Variants in NBEA observed in about 807,000 individuals in gnomAD.
The protein encoded by NBEA is neurobeachin.
Under a neutral mutation model 343.4 loss-of-function variants are expected in NBEA, and 44 were observed. The observed-to-expected ratio is 0.13, with a 90% CI of 0.10 to 0.16. The LOEUF (loss-of-function observed/expected upper bound fraction) is 0.16, where lower values mean the gene tolerates loss of function less well. Among genes scored for constraint, NBEA ranks in the 10% least tolerant of loss-of-function variants. The pLI, the probability that NBEA is intolerant of heterozygous loss-of-function variation, is 1.00. For synonymous variants in NBEA, 1,175 were observed against 1,238.7 expected (o/e 0.95, Z 1.08); for missense variants, 2,555 against 3,631.3 (o/e 0.70, Z 7.62).
At position 35,195,931 on chromosome 13, in the gene NBEA, G is replaced by A. The variant is rs1451454253; in HGVS notation, c.4995G>A (p.Gln1665=). 5 of 1,613,406 alleles carry A rather than the reference G, an allele frequency of 3.1e-6. No individual in the cohort carries two copies. The South Asian group carries it at 4.4e-5, about 14-fold the overall frequency. The part of the protein sequence containing the change: ...KETPTPGEDI[Q]VESSIPHTDS... The stretch of plus-strand genomic sequence containing the variant: ...CACCAACTCCTGGTGAAGATATTCA[G>A]GTAGAAAGTTCAATTCCCCATACAG... Residue 1665 remains glutamine (Q), a synonymous_variant, in exon 31 of 59, where the codon CAG becomes CAA. Transcript: ENST00000379939.
chr13:35,672,237 C>T lies in NBEA; in HGVS notation c.*1246C>T, dbSNP rs2085642368. ...TGGTGACTGTATCGTCATAGATGTA[C>T]ATATTGTGTCGGTAGGGCTATGAGG... is the stretch of plus-strand genomic sequence containing the variant. On this transcript the variant is annotated 3_prime_UTR_variant, in exon 59 of 59. Transcript: ENST00000379939. The T allele has an allele frequency of 1.3e-5, 2 of 152,524 alleles. No individual in the cohort carries two copies. The highest frequency in any genetic ancestry group is 6.5e-5 in the Admixed American group (1 of 15,274). The allele number at this position is 152,524 out of a possible 1,614,324, so 9.4% of individuals were successfully genotyped here.
At chr13:35,452,713 A>G (rs182700837) in intron 40 of NBEA, among the ~76,000 whole-genome samples, 2 of 152,272 alleles carry the variant, frequency 1.3e-5, no homozygotes, top group Admixed American at 6.5e-5. Flanking sequence ...CCACTAGCAG[A>G]TATTCTTTCC....
At chr13:35,111,501 T>A (rs2152660093) in intron 13 of NBEA, among the ~76,000 whole-genome samples, 1 of 152,138 alleles carries the variant, frequency 6.6e-6, no homozygotes, top group Non-Finnish European at 1.5e-5. Context: ...CAAGAATAAT[T>A]ACTGATATGA....
chr13:35,078,217 T>A (rs1331059862), intron 10 of NBEA, among the ~76,000 whole-genome samples: 1 of 152,206 alleles, frequency 6.6e-6, no homozygotes, highest in Non-Finnish European at 1.5e-5. Flanking sequence ...ATACCCTGTT[T>A]AACAGATCTT....
At chr13:34,957,254 C>A (rs1483357009) in intron 1 of NBEA, among the ~76,000 whole-genome samples, 1 of 152,026 alleles carries the variant, frequency 6.6e-6, no homozygotes, top group Admixed American at 6.6e-5. Flanking sequence ...CATAGTATTC[C>A]ATTTCCTTCA....
chr13:35,472,187 G>A (rs2075680748), intron 40 of NBEA, among the ~76,000 whole-genome samples: 1 of 152,150 alleles, frequency 6.6e-6, no homozygotes, highest in Non-Finnish European at 1.5e-5. Flanking sequence ...GACCTCCTGG[G>A]TTTTCATACC....
chr13:35,620,147 G>A (rs937310577), intron 48 of NBEA, among the ~76,000 whole-genome samples: 1 of 152,092 alleles, frequency 6.6e-6, no homozygotes, highest in Admixed American at 6.6e-5. Context: ...TGTTTTATGT[G>A]TTTGCAAGGA....
At chr13:35,048,094 C>T (rs1050433956) in intron 4 of NBEA, among the ~76,000 whole-genome samples, 1 of 151,604 alleles carries the variant, frequency 6.6e-6, no homozygotes, top group African/African-American at 2.4e-5. Flanking sequence ...GCATTATGAA[C>T]ATTATCTCTT....
chr13:34,952,089 G>T (rs1208217131), intron 1 of NBEA, among the ~76,000 whole-genome samples: 1 of 152,136 alleles, frequency 6.6e-6, no homozygotes, highest in East Asian at 1.9e-4. Flanking sequence ...ATTAGACAAG[G>T]TTATCTAGGT....
chr13:35,195,398 T>G (rs767585274), intron 30 of NBEA, among the ~76,000 whole-genome samples: 4 of 145,416 alleles, frequency 2.8e-5, no homozygotes, highest in East Asian at 1.9e-4. Flanking sequence ...ATCTTTTTGT[T>G]TTTTTTTTTG....
intron 10 of NBEA, among the ~76,000 whole-genome samples, chr13:35,085,484 G>T (rs867789300): frequency 2.0e-5 from 3 of 151,834 alleles, no homozygotes; most frequent in Admixed American, 6.6e-5. Context: ...GACAAAAACC[G>T]CATGATTATC....
chr13:35,482,755 C>G (rs185603108), intron 41 of NBEA, among the ~76,000 whole-genome samples: 1 of 151,622 alleles, frequency 6.6e-6, no homozygotes, highest in East Asian at 1.9e-4. Flanking sequence ...GTGTACTTTG[C>G]ATACAGTAGT....
At chr13:35,509,199 C>T (rs1372265211) in intron 41 of NBEA, among the ~76,000 whole-genome samples, 1 of 152,190 alleles carries the variant, frequency 6.6e-6, no homozygotes, top group Non-Finnish European at 1.5e-5. Flanking sequence ...AGGGAAAAGC[C>T]AGCTGGTAGC....
intron 35 of NBEA, among the ~76,000 whole-genome samples, chr13:35,293,699 A>G (rs1031929003): frequency 6.6e-6 from 1 of 152,016 alleles, no homozygotes; most frequent in Non-Finnish European, 1.5e-5. Flanking sequence ...TTTGATGAAT[A>G]GCAGATTTAG....
chr13:35,411,479 C>T (rs1403813541), intron 38 of NBEA, among the ~76,000 whole-genome samples: 2 of 149,100 alleles, frequency 1.3e-5, no homozygotes, highest in Non-Finnish European at 3.0e-5. Flanking sequence ...TTTTTTGAGA[C>T]AGAGTTGTAC....
In NBEA at chr13:34,979,664, A is replaced by G. The variant is rs976490142; in HGVS notation, c.294+36550A>G. 4.6e-5 allele frequency among the ~76,000 whole-genome samples: 7 copies of G among 152,288 alleles called. No homozygotes were observed. In the East Asian group the frequency reaches 1.3e-3, roughly 29 times the overall value. ...ATGTATGTTTTTTGGAAATTTTTTA[A>G]AAGTCTGTATATTTTCTTTTTACTT... On this transcript the variant is annotated intron_variant, in intron 1 of 58. Coordinates refer to ENST00000379939, the MANE Select transcript of NBEA (RefSeq NM_001385012.1).
At chr13:35,600,859 G>A (rs1323318493) in intron 47 of NBEA, among the ~76,000 whole-genome samples, 1 of 152,074 alleles carries the variant, frequency 6.6e-6, no homozygotes, top group Non-Finnish European at 1.5e-5. Flanking sequence ...CTCACTGGTA[G>A]CCATGAGGTT....
intron 31 of NBEA, among the ~76,000 whole-genome samples, chr13:35,199,993 G>A (rs2072905102): frequency 6.6e-6 from 1 of 151,964 alleles, no homozygotes; most frequent in African/African-American, 2.4e-5. Context: ...AGATCCTCTA[G>A]TACTGTTCTA....
intron 44 of NBEA, among the ~76,000 whole-genome samples, chr13:35,563,763 A>C (rs1440409864): frequency 6.6e-6 from 1 of 151,958 alleles, no homozygotes; most frequent in Non-Finnish European, 1.5e-5. Flanking sequence ...AAAATGCAGG[A>C]CAGAATAATA....
Sources: allele counts gnomAD v4.1 joint callset (sites outside exome capture counted in the v4.1 genomes callset), GRCh38; gene constraint gnomAD v4.1.1; transcripts MANE v1.5; gene names NCBI Gene and HGNC (gene_info 2026-07-23, HGNC 2026-07-21).